The following HFM1 variants were observed in gnomAD, a reference collection of about 807,000 sequenced individuals.
HFM1 encodes the protein helicase for meiosis 1.
Under a neutral mutation model 192.1 loss-of-function variants are expected in HFM1, and 169 were observed. The observed-to-expected ratio is 0.88, with a 90% CI of 0.78 to 1.00. The LOEUF (loss-of-function observed/expected upper bound fraction) is 1.00, where lower values mean the gene tolerates loss of function less well. Among genes scored for constraint, HFM1 ranks in the 50% least tolerant of loss-of-function variants. HFM1 has a pLI of 0.00. For synonymous variants in HFM1, 525 were observed against 537.8 expected, an observed-to-expected ratio of 0.98 and a Z score of 0.33; for missense variants, 1,661 against 1,668.0, an observed-to-expected ratio of 1.00 and a Z score of 0.07.
At chr1:91,312,448 T>C (rs567503091) in intron 30 of HFM1, among the ~76,000 whole-genome samples, 178 of 152,334 alleles carry the variant, frequency 1.2e-3, no homozygotes, top group African/African-American at 4.2e-3. Flanking sequence ...GGAGATCATT[T>C]TGGAGCTTTA....
intron 30 of HFM1, among the ~76,000 whole-genome samples, chr1:91,297,210 A>T (rs962646133): frequency 3.3e-5 from 5 of 152,142 alleles, no homozygotes; most frequent in Non-Finnish European, 7.4e-5. Flanking sequence ...CAGCAGTCTG[A>T]GATCAAACTG....
intron 20 of HFM1, among the ~76,000 whole-genome samples, chr1:91,335,152 A>G (rs1240831460): frequency 6.6e-6 from 1 of 152,196 alleles, no homozygotes; most frequent in East Asian, 1.9e-4. Context: ...GGTACAATAG[A>G]TAAAACTAAC....
intron 30 of HFM1, among the ~76,000 whole-genome samples, chr1:91,290,441 A>T (rs879577492): frequency 1.3e-5 from 2 of 152,206 alleles, no homozygotes; most frequent in African/African-American, 2.4e-5. Context: ...ACAAAGATCA[A>T]AAGAGACAAA....
Position 91,345,977 on chromosome 1 carries a change from G to T in HFM1, c.2254+1452C>A, listed in dbSNP as rs145598798. 2.1e-3 allele frequency among the ~76,000 whole-genome samples: 323 copies of T among 152,120 alleles called. 1 individual carries two copies. The highest frequency in any genetic ancestry group is 7.3e-3 in the African/African-American group (305 of 41,522). Reference sequence around the variant, plus strand: ...TTGCCAGAGAAATTCAGTTTTCCCTGGGTCTTTGGGTCTTAATTTCTGAAG... The same window carrying T: ...TTGCCAGAGAAATTCAGTTTTCCCTTGGTCTTTGGGTCTTAATTTCTGAAG... On this transcript the variant is annotated intron_variant, in intron 19 of 38. Transcript: ENST00000370425.
intron 2 of HFM1, among the ~76,000 whole-genome samples, chr1:91,400,568 G>T (rs1301506351): frequency 6.7e-6 from 1 of 150,070 alleles, no homozygotes; most frequent in African/African-American, 2.5e-5. Context: ...TGCAACCTCC[G>T]CCTCCGGGCT....
At chr1:91,285,264 T>C (rs897917324) in intron 30 of HFM1, among the ~76,000 whole-genome samples, 3 of 152,214 alleles carry the variant, frequency 2.0e-5, no homozygotes, top group Non-Finnish European at 4.4e-5. Flanking sequence ...AAAGAATTTT[T>C]CATTATTTTA....
chr1:91,342,151 A>AAAAAAAAAAAAAAAAC lies in HFM1; in HGVS notation c.2335+1278_2335+1279insGTTTTTTTTTTTTTTT, dbSNP rs58288889. ...ACACAATGAAAAAAAAAAAAAAAAA[A>AAAAAAAAAAAAAAAAC]TTCAGGCGAATATTCCTGATGAACA... On this transcript the variant is annotated intron_variant, in intron 20 of 38. Transcript: ENST00000370425. Among the ~76,000 whole-genome samples the AAAAAAAAAAAAAAAAC allele has an allele frequency of 1.8e-5, 2 of 111,802 alleles. 1 individual carries two copies. Among genetic ancestry groups the AAAAAAAAAAAAAAAAC allele is most frequent in the Admixed American group, 2.1e-4 (2 of 9,434 alleles). The allele number at this position is 111,802 out of a possible 152,430, so 73.3% of individuals were successfully genotyped here. A position where few individuals can be genotyped will look rare whatever the true frequency, so the allele number is the denominator to read the frequency against.
At chr1:91,265,436 T>TA (rs1665667480) in intron 36 of HFM1, among the ~76,000 whole-genome samples, 1 of 152,142 alleles carries the variant, frequency 6.6e-6, no homozygotes, top group Admixed American at 6.5e-5. Flanking sequence ...TGGAGCTGAG[T>TA]AGTGGCTGCT....
intron 5 of HFM1, 50 bp from the exon 6 acceptor site, chr1:91,385,284 G>C (rs1212065222): frequency 1.9e-6 from 2 of 1,078,532 alleles, no homozygotes; most frequent in Non-Finnish European, 2.8e-6. Flanking sequence ...AAAAATTAAT[G>C]GTCAGAAGCT....
chr1:91,406,170 A>G (rs1271917189), upstream of HFM1, among the ~76,000 whole-genome samples: 5 of 152,228 alleles, frequency 3.3e-5, no homozygotes, highest in Non-Finnish European at 7.3e-5. Flanking sequence ...GCAAGCCAGG[A>G]AGGAGGCCCT....
In HFM1 at chr1:91,380,282, A is replaced by C. The variant is rs200742051; in HGVS notation, c.874-46T>G. The C allele has an allele frequency of 3.8e-5, 44 of 1,166,262 alleles. No homozygotes were observed. The East Asian group carries it at 1.2e-3, about 32-fold the overall frequency. 72.2% of individuals were successfully genotyped at this position (1,166,262 alleles called of 1,614,324 possible). On this transcript the variant is annotated intron_variant, in intron 7 of 38. Transcript: ENST00000370425. ...AATCATGTAACATATAGACTTTTTC[A>C]CACACATTCTCAATTTGTTAAAAAA...
At chr1:91,292,568 G>T (rs1475423565) in intron 30 of HFM1, among the ~76,000 whole-genome samples, 2 of 151,852 alleles carry the variant, frequency 1.3e-5, no homozygotes, top group Non-Finnish European at 2.9e-5. Context: ...CAAACAAATG[G>T]AAGAACATTC....
At chr1:91,330,675 C>A (rs555760778) in intron 20 of HFM1, among the ~76,000 whole-genome samples, 55 of 145,240 alleles carry the variant, frequency 3.8e-4, no homozygotes, top group Non-Finnish European at 7.7e-4. Context: ...TACCCTGATA[C>A]CACAACCAGA....
intron 13 of HFM1, among the ~76,000 whole-genome samples, chr1:91,362,292 C>T (rs1177795139): frequency 3.3e-5 from 5 of 152,202 alleles, no homozygotes; most frequent in South Asian, 2.1e-4. Context: ...ATTTAGAAAA[C>T]GTCATCTTCT....
At chr1:91,400,586 A>G (rs1040362897) in intron 2 of HFM1, among the ~76,000 whole-genome samples, 4 of 152,068 alleles carry the variant, frequency 2.6e-5, no homozygotes, top group African/African-American at 9.6e-5. Context: ...GCTTCAAGCA[A>G]TTCTCATGCC....
At chr1:91,372,769 T>C (rs2101939484) in intron 13 of HFM1, among the ~76,000 whole-genome samples, 1 of 152,228 alleles carries the variant, frequency 6.6e-6, no homozygotes. Flanking sequence ...GCTATAAAAC[T>C]ACATGCAGTT....
intron 16 of HFM1, 106 bp downstream of exon 16, chr1:91,352,400 A>T: frequency 1.2e-6 from 1 of 802,962 alleles, no homozygotes; most frequent in Non-Finnish European, 1.9e-6. Flanking sequence ...TCTCTGCTAT[A>T]TTACTTTTAA....
chr1:91,313,558 C>T, intron 29 of HFM1, 63 bp from the exon 30 acceptor site: 1 of 1,130,836 alleles, frequency 8.8e-7, no homozygotes, highest in Non-Finnish European at 1.2e-6. Flanking sequence ...TATGAGAACA[C>T]TTATTTCTTT....
Position 91,315,824 on chromosome 1 carries a change from T to G in HFM1, c.3131A>C (p.His1044Pro). 1 of 1,607,704 alleles carries G rather than the reference T, an allele frequency of 6.2e-7. No homozygotes were observed. The highest frequency in any genetic ancestry group is 8.5e-7 in the Non-Finnish European group (1 of 1,176,394). The change falls in exon 28 of 39, where the codon CAC (histidine) becomes CCC (proline). Residue 1044 changes from histidine (H) to proline (P), a missense_variant. Transcript: ENST00000370425. ...GAAATTTCACACTTACGTAATCTTG[T>G]GCAGATAAACTACTTGATTATCTGC... ...GDADNQVVYLHKITDSVLLKA... is the reference protein window; with the variant it reads ...GDADNQVVYLPKITDSVLLKA...
Sources: allele counts gnomAD v4.1 joint callset (sites outside exome capture counted in the v4.1 genomes callset), GRCh38; gene constraint gnomAD v4.1.1; transcripts MANE v1.5; gene names NCBI Gene and HGNC (gene_info 2026-07-23, HGNC 2026-07-21).